The following EYA1 variants were observed in gnomAD, a reference collection of about 807,000 sequenced individuals.
EYA1 encodes protein phosphatase EYA1.
EYA1 carries 16 observed loss-of-function variants against 82.0 expected under a neutral mutation model. That is an observed-to-expected ratio of 0.20 (90% confidence interval 0.13 to 0.30). The LOEUF is 0.30. Among genes scored for constraint, EYA1 ranks in the 10% least tolerant of loss-of-function variants. EYA1 has a pLI of 1.00. For missense variants in EYA1, 633 were observed against 730.7 expected, an observed-to-expected ratio of 0.87 and a Z score of 1.54; for synonymous variants, 261 against 264.4, an observed-to-expected ratio of 0.99 and a Z score of 0.12.
intron 3 of EYA1, among the ~76,000 whole-genome samples, chr8:71,335,854 G>A (rs1480567953): frequency 2.0e-5 from 3 of 151,924 alleles, no homozygotes; most frequent in South Asian, 2.1e-4. Flanking sequence ...TAAAGCAATC[G>A]TTCTATTTCA....
At chr8:71,227,646 G>A (rs1380591695) in intron 12 of EYA1, among the ~76,000 whole-genome samples, 3 of 152,054 alleles carry the variant, frequency 2.0e-5, no homozygotes, top group African/African-American at 7.2e-5. Context: ...TGAACTATAA[G>A]CTCCAATATT....
At chr8:71,508,765 T>C (rs966009558) in intron 2 of EYA1, among the ~76,000 whole-genome samples, 4 of 152,148 alleles carry the variant, frequency 2.6e-5, no homozygotes, top group Non-Finnish European at 4.4e-5. Context: ...GAGAAACAAA[T>C]TTCCATTTTT....
intron 2 of EYA1, among the ~76,000 whole-genome samples, chr8:71,462,737 G>A (rs1251769084): frequency 2.4e-4 from 36 of 152,316 alleles, no homozygotes; most frequent in East Asian, 3.9e-4. Flanking sequence ...GGTCTGGAGC[G>A]GTAGAGGGTC....
chr8:71,415,177 C>A (rs1303401267), intron 2 of EYA1, among the ~76,000 whole-genome samples: 2 of 152,196 alleles, frequency 1.3e-5, no homozygotes, highest in East Asian at 3.8e-4. Flanking sequence ...AGATTCTTTG[C>A]AAAGACACCT....
chr8:71,379,425 A>G (rs1449051518), intron 2 of EYA1, among the ~76,000 whole-genome samples: 3 of 152,118 alleles, frequency 2.0e-5, no homozygotes, highest in African/African-American at 7.2e-5. Context: ...GGTACACTGG[A>G]GAAGTCAGAA....
intron 11 of EYA1, among the ~76,000 whole-genome samples, chr8:71,266,431 C>A (rs1036729921): frequency 2.0e-5 from 3 of 152,068 alleles, no homozygotes; most frequent in Non-Finnish European, 2.9e-5. Flanking sequence ...GATTTGAGAG[C>A]CAATTCTTAT....
chr8:71,391,356 T>A (rs1295803724), intron 2 of EYA1, among the ~76,000 whole-genome samples: 1 of 152,142 alleles, frequency 6.6e-6, no homozygotes, highest in Non-Finnish European at 1.5e-5. Context: ...ATCTCAAGAG[T>A]GTTTATCTTT....
At chr8:71,470,996 C>T (rs1809158474) in intron 2 of EYA1, 2 of 416,168 alleles carry the variant, frequency 4.8e-6, no homozygotes, top group Non-Finnish European at 4.7e-6. Flanking sequence ...TTTATTTTCC[C>T]ACATCTTTAA....
chr8:71,299,016 C>A (rs1586243422), intron 9 of EYA1, 31 bp downstream of exon 9: 1 of 1,593,556 alleles, frequency 6.3e-7, no homozygotes, highest in African/African-American at 1.3e-5. Context: ...GAAAATATCA[C>A]CTGCAGGACT....
chr8:71,464,381 C>T (rs978383474), intron 2 of EYA1, among the ~76,000 whole-genome samples: 3 of 152,156 alleles, frequency 2.0e-5, no homozygotes, highest in Non-Finnish European at 4.4e-5. Flanking sequence ...CACCTTCTTG[C>T]CTTGAAGTAC....
chr8:71,320,032 C>T (rs908342983), intron 6 of EYA1, among the ~76,000 whole-genome samples: 3 of 152,202 alleles, frequency 2.0e-5, no homozygotes, highest in Non-Finnish European at 4.4e-5. Flanking sequence ...CCCTTATCCC[C>T]ATCTATCCCA....
chr8:71,394,352 A>G (rs748417113), intron 2 of EYA1, among the ~76,000 whole-genome samples: 2 of 152,168 alleles, frequency 1.3e-5, no homozygotes, highest in African/African-American at 2.4e-5. Flanking sequence ...TGTTTTAGTC[A>G]TGAAGCCCTT....
At chr8:71,377,227 C>CA (rs1828425459) in intron 2 of EYA1, among the ~76,000 whole-genome samples, 1 of 152,130 alleles carries the variant, frequency 6.6e-6, no homozygotes, top group African/African-American at 2.4e-5. Context: ...GAAAGAAGCC[C>CA]AAGCTATCTA....
At chr8:71,201,494 C>A (rs994003212) in intron 17 of EYA1, among the ~76,000 whole-genome samples, 3 of 152,088 alleles carry the variant, frequency 2.0e-5, no homozygotes, top group Admixed American at 6.5e-5. Flanking sequence ...GATTCATAGA[C>A]CTGGGTTAGA....
intron 2 of EYA1, among the ~76,000 whole-genome samples, chr8:71,489,756 T>C (rs961083916): frequency 6.6e-6 from 1 of 152,230 alleles, no homozygotes; most frequent in Non-Finnish European, 1.5e-5. Context: ...GATTTGGAAA[T>C]TGGGTTATTT....
intron 11 of EYA1, among the ~76,000 whole-genome samples, chr8:71,254,243 C>CAAAAAAAA (rs56047377): frequency 3.9e-5 from 2 of 51,460 alleles, no homozygotes; most frequent in Non-Finnish European, 6.6e-5. Flanking sequence ...AAGTCTTGGC[C>CAAAAAAAA]AAAAAAAAAA....
intron 1 of EYA1, among the ~76,000 whole-genome samples, chr8:71,360,359 T>G (rs1308323581): frequency 6.6e-6 from 1 of 152,236 alleles, no homozygotes; most frequent in Non-Finnish European, 1.5e-5. Context: ...GCAAGTGTTT[T>G]TCTTCTTTAC....
At chr8:71,233,513 G>T (rs1162417914) in intron 12 of EYA1, among the ~76,000 whole-genome samples, 2 of 148,446 alleles carry the variant, frequency 1.3e-5, no homozygotes, top group African/African-American at 5.0e-5. Context: ...GCAGTGAGCC[G>T]AGATTGTGCC....
intron 11 of EYA1, among the ~76,000 whole-genome samples, chr8:71,264,018 T>G (rs1474407618): frequency 1.3e-5 from 2 of 152,226 alleles, no homozygotes; most frequent in Non-Finnish European, 2.9e-5. Context: ...CAGAACTGTG[T>G]AGTTATGGCA....
Sources: gnomAD v4.1 joint callset for allele counts (sites outside exome capture counted in the v4.1 genomes callset) on GRCh38, gnomAD v4.1.1 for gene constraint, MANE v1.5 for transcripts, NCBI Gene and HGNC (gene_info 2026-07-23, HGNC 2026-07-21) for gene names.